ZNF362: variants seen among roughly 807,000 people sequenced by gnomAD.
ZNF362 encodes zinc finger protein 362.
Under a neutral mutation model 42.9 loss-of-function variants are expected in ZNF362, and 11 were observed. The observed-to-expected ratio is 0.26, with a 90% CI of 0.16 to 0.42. The LOEUF (loss-of-function observed/expected upper bound fraction) is 0.42, where lower values mean the gene tolerates loss of function less well. Among genes scored for constraint, ZNF362 ranks in the 20% least tolerant of loss-of-function variants. The pLI is 1.00. For synonymous variants in ZNF362, 255 were observed against 257.3 expected, an observed-to-expected ratio of 0.99 and a Z score of 0.09; for missense variants, 362 against 576.2, an observed-to-expected ratio of 0.63 and a Z score of 3.81.
chr1:33,242,090 C>T, the ZNF362 span, among the ~76,000 whole-genome samples: 2 of 152,112 alleles, frequency 1.3e-5, no homozygotes, highest in Admixed American at 1.3e-4. Context: ...GCTGTGGACA[C>T]GTGGAATCTC....
the ZNF362 span, among the ~76,000 whole-genome samples, chr1:33,211,085 C>T: frequency 2.5e-3 from 374 of 152,176 alleles, 2 homozygotes; most frequent in Admixed American, 0.011. Context: ...AGGTGCCCAC[C>T]ACCACGCCTG....
the ZNF362 span, chr1:33,194,684 T>C: frequency 6.6e-6 from 1 of 152,040 alleles, no homozygotes. Context: ...AGATATACTA[T>C]AATGTTATAA....
chr1:33,193,008 T>C, the ZNF362 span, among the ~76,000 whole-genome samples: 99,147 of 131,694 alleles, frequency 0.75, 35,122 homozygotes, highest in Non-Finnish European at 0.79. Context: ...CACACACATA[T>C]ATATATATAT....
At chr1:33,147,258 G>C in the ZNF362 span, 1 of 1,614,124 alleles carries the variant, frequency 6.2e-7, no homozygotes, top group Non-Finnish European at 8.5e-7. This position sits in a 1 kb window ranked among gnomAD's most constrained non-coding sequence, Gnocchi z 8.1. Flanking sequence ...AGTAAGAGCA[G>C]AGCTTGCCAG....
chr1:33,245,781 T>A, the ZNF362 span, among the ~76,000 whole-genome samples: 1 of 152,108 alleles, frequency 6.6e-6, no homozygotes, highest in African/African-American at 2.4e-5. Context: ...CTACAAAAAA[T>A]TTTTAAAAAT....
chr1:33,269,512 G>C (rs962053005), intron 1 of ZNF362, among the ~76,000 whole-genome samples: 2 of 152,138 alleles, frequency 1.3e-5, no homozygotes, highest in African/African-American at 2.4e-5. Context: ...TGAAGAGCTA[G>C]TTCCCATGTG....
chr1:33,292,913 C>T (rs1233424146), intron 6 of ZNF362, among the ~76,000 whole-genome samples: 3 of 152,208 alleles, frequency 2.0e-5, no homozygotes, highest in African/African-American at 7.2e-5. Context: ...GGATGGGATC[C>T]TGAAACATGT....
At chr1:33,178,709 G>A in the ZNF362 span, among the ~76,000 whole-genome samples, 2 of 152,258 alleles carry the variant, frequency 1.3e-5, no homozygotes, top group Admixed American at 6.5e-5. Context: ...GGTGCACACA[G>A]TGCCCACAGC....
chr1:33,197,572 G>C, the ZNF362 span, among the ~76,000 whole-genome samples: 1 of 152,144 alleles, frequency 6.6e-6, no homozygotes, highest in Non-Finnish European at 1.5e-5. Flanking sequence ...TAGGCAAAAA[G>C]GGGAGCAATC....
chr1:33,179,126 GAC>G, the ZNF362 span, among the ~76,000 whole-genome samples: 1 of 152,360 alleles, frequency 6.6e-6, no homozygotes, highest in East Asian at 1.9e-4. Context: ...GATGGTTTCA[GAC>G]AGAGTCCCCT....
At chr1:33,165,692 G>A in the ZNF362 span, 520 of 722,334 alleles carry the variant, frequency 7.2e-4, 3 homozygotes, top group South Asian at 1.2e-3. The surrounding 1 kb of genome is among the most constrained non-coding windows in gnomAD (Gnocchi z 4.0). Flanking sequence ...CTTGCCTCCC[G>A]TCACAGTTCA....
chr1:33,253,447 G>A (rs926402101), upstream of ZNF362, among the ~76,000 whole-genome samples: 2 of 151,904 alleles, frequency 1.3e-5, no homozygotes, highest in African/African-American at 4.8e-5. Context: ...GCAAGGGAGG[G>A]TGTTCCAGGC....
At chr1:33,241,398 G>A in the ZNF362 span, among the ~76,000 whole-genome samples, 2 of 151,832 alleles carry the variant, frequency 1.3e-5, no homozygotes, top group East Asian at 1.9e-4. Flanking sequence ...GGGAGGCTGA[G>A]GCAGGAGAAT....
intron 1 of ZNF362, chr1:33,261,182 C>T (rs940636972): frequency 6.6e-6 from 1 of 152,132 alleles, no homozygotes; most frequent in African/African-American, 2.4e-5. Context: ...TCACTTGACC[C>T]TTGCACAGAG....
the ZNF362 span, among the ~76,000 whole-genome samples, chr1:33,222,938 G>C: frequency 3.3e-5 from 5 of 152,144 alleles, no homozygotes; most frequent in African/African-American, 1.2e-4. Flanking sequence ...TAAGTCTCAT[G>C]AGATCTGATG....
chr1:33,174,945 G>GTATATATATATATA, the ZNF362 span, among the ~76,000 whole-genome samples: 22 of 141,744 alleles, frequency 1.6e-4, no homozygotes, highest in East Asian at 4.2e-3. Context: ...ATATATGTGT[G>GTATATATATATATA]TATATATATA....
chr1:33,243,205 G>A, the ZNF362 span, among the ~76,000 whole-genome samples: 1 of 151,990 alleles, frequency 6.6e-6, no homozygotes, highest in Non-Finnish European at 1.5e-5. Context: ...GCCCAGGGTG[G>A]AGTGCAGTGG....
At chr1:33,261,170 C>G (rs1434434479) in intron 1 of ZNF362, 1 of 152,146 alleles carries the variant, frequency 6.6e-6, no homozygotes, top group Non-Finnish European at 1.5e-5. Flanking sequence ...GGAAGCCCAA[C>G]CTCACTTGAC....
the ZNF362 span, chr1:33,145,826 G>T: frequency 2.1e-6 from 1 of 469,920 alleles, no homozygotes; most frequent in Non-Finnish European, 4.4e-6. Context: ...GAAAAACGCA[G>T]GTGGGGCTTG....
Sources: gnomAD v4.1 joint callset for allele counts (sites outside exome capture counted in the v4.1 genomes callset) on GRCh38, gnomAD v4.1.1 for gene constraint, Gnocchi (gnomAD v3.1) non-coding constraint, MANE v1.5 for transcripts, NCBI Gene and HGNC (gene_info 2026-07-23, HGNC 2026-07-21) for gene names.